Variants in ABL2 observed in about 807,000 individuals in gnomAD.
The protein encoded by ABL2 is tyrosine-protein kinase ABL2.
In ABL2, 49 loss-of-function variants were observed where a neutral mutation model predicts 107.7. The observed-to-expected ratio is 0.45, with a 90% CI of 0.36 to 0.58. ABL2 has a LOEUF of 0.58. Ranked by LOEUF, ABL2 falls within the 20% of genes least tolerant of loss-of-function variation. The pLI is 0.00. For missense variants in ABL2, 1,245 were observed against 1,457.0 expected (o/e 0.85, Z 2.37); for synonymous variants, 549 against 548.6 (o/e 1.00, Z -0.01).
intron 1 of ABL2, among the ~76,000 whole-genome samples, chr1:179,215,383 T>C (rs935959444): frequency 3.3e-5 from 5 of 152,178 alleles, no homozygotes; most frequent in East Asian, 1.9e-4. Flanking sequence ...CTAGTCTATA[T>C]GCTTCTGAAT....
At chr1:179,193,361 G>C (rs1239562256) in intron 1 of ABL2, among the ~76,000 whole-genome samples, 2 of 150,090 alleles carry the variant, frequency 1.3e-5, no homozygotes, top group Non-Finnish European at 3.0e-5. Flanking sequence ...CTAAATGTCT[G>C]CTTTTTTTTT....
chr1:179,115,592 T>C (rs910101159), intron 8 of ABL2, among the ~76,000 whole-genome samples: 20 of 152,070 alleles, frequency 1.3e-4, no homozygotes, highest in Non-Finnish European at 1.2e-4. Flanking sequence ...ACCCACCCCT[T>C]AGTCACTGAG....
At chr1:179,212,130 C>T (rs1037025226) in intron 1 of ABL2, among the ~76,000 whole-genome samples, 8 of 152,100 alleles carry the variant, frequency 5.3e-5, no homozygotes, top group African/African-American at 1.7e-4. Context: ...AGGGGAAAGC[C>T]CCTTATAAAA....
chr1:179,112,911 C>G (rs976293916), intron 9 of ABL2, among the ~76,000 whole-genome samples: 2 of 152,260 alleles, frequency 1.3e-5, no homozygotes, highest in Non-Finnish European at 2.9e-5. Context: ...CACGCCACCA[C>G]GTCCGGCTAA....
In ABL2 at chr1:179,102,731, G is replaced by C; in HGVS notation, c.*4987C>G. 4.3e-6 allele frequency: 1 copy of C among 230,140 alleles called. No homozygotes were observed. The highest frequency in any genetic ancestry group is 8.6e-6 in the Non-Finnish European group (1 of 116,220). 14.3% of individuals were successfully genotyped at this position (230,140 alleles called of 1,614,324 possible). On this transcript the variant is annotated 3_prime_UTR_variant, in exon 12 of 12. Coordinates refer to ENST00000502732, the MANE Select transcript of ABL2 (RefSeq NM_007314.4). ...ATGACATCAGTAGCAAAATGGAAGG[G>C]AGCAGAAGGGGTCATAATGAAATGT... is the stretch of plus-strand genomic sequence containing the variant.
At chr1:179,223,728 T>C (rs1663011940) in intron 1 of ABL2, among the ~76,000 whole-genome samples, 1 of 152,110 alleles carries the variant, frequency 6.6e-6, no homozygotes, top group African/African-American at 2.4e-5. Context: ...TTAGTTCTTA[T>C]ATTAAGTCAC....
intron 1 of ABL2, among the ~76,000 whole-genome samples, chr1:179,217,167 A>C (rs1426681216): frequency 6.6e-6 from 1 of 151,452 alleles, no homozygotes. Flanking sequence ...GGTGGCGTGC[A>C]CCTGTAATCC....
At chr1:179,122,239 T>C (rs1335713705) in intron 4 of ABL2, among the ~76,000 whole-genome samples, 1 of 149,296 alleles carries the variant, frequency 6.7e-6, no homozygotes, top group Non-Finnish European at 1.5e-5. Context: ...AAAGCCCATA[T>C]TTCACTGGCC....
Position 179,107,221 on chromosome 1 carries a change from G to A in ABL2, c.*497C>T. ...AGCAGCAATGGCCTTGTGGAAGCAA[G>A]GCTAACAGCTACTTCCAACAGCCCT... On this transcript the variant is annotated 3_prime_UTR_variant, in exon 12 of 12. Coordinates refer to ENST00000502732, the MANE Select transcript of ABL2 (RefSeq NM_007314.4). The A allele has an allele frequency of 4.3e-6, 1 of 235,174 alleles. No homozygotes were observed. Among genetic ancestry groups the A allele is most frequent in the East Asian group, 6.1e-5 (1 of 16,388 alleles). 14.6% of individuals were successfully genotyped at this position (235,174 alleles called of 1,614,324 possible).
At chr1:179,225,591 G>A (rs1663143983) in intron 1 of ABL2, among the ~76,000 whole-genome samples, 1 of 152,130 alleles carries the variant, frequency 6.6e-6, no homozygotes, top group Admixed American at 6.6e-5. Context: ...AACAATGTCT[G>A]GAGGCATTTT....
In ABL2 at chr1:179,104,600, G is replaced by C; in HGVS notation, c.*3118C>G. 1 of 208,172 alleles carries C rather than the reference G, an allele frequency of 4.8e-6. No homozygotes were observed. Among genetic ancestry groups the C allele is most frequent in the East Asian group, 7.4e-5 (1 of 13,558 alleles). 12.9% of individuals were successfully genotyped at this position (208,172 alleles called of 1,614,324 possible). A position where few individuals can be genotyped will look rare whatever the true frequency, so the allele number is the denominator to read the frequency against. On this transcript the variant is annotated 3_prime_UTR_variant, in exon 12 of 12. Coordinates refer to ENST00000502732, the MANE Select transcript of ABL2 (RefSeq NM_007314.4). ...AGGCTAATCTCTGAAAATCATGATGGAAGTCTACAGGAAAATATATACATT... is the reference window on the plus strand; with the variant it reads ...AGGCTAATCTCTGAAAATCATGATGCAAGTCTACAGGAAAATATATACATT...
intron 10 of ABL2, chr1:179,110,933 T>C: frequency 6.4e-7 from 1 of 1,568,464 alleles, no homozygotes; most frequent in Non-Finnish European, 8.8e-7. Context: ...GCATGAAAGC[T>C]GTGGTTACTC....
chr1:179,210,520 A>AAG lies in ABL2; in HGVS notation c.157+18720_157+18721insCT, dbSNP rs1420984161. On this transcript the variant is annotated intron_variant, in intron 1 of 11. Transcript: ENST00000502732. ...CTAACTCACAAAAAAAAAAAAAAAG[A>AAG]AAAAAAAAAGCTTTAAGAGAAAAAT... Among the ~76,000 whole-genome samples the AAG allele has an allele frequency of 1.5e-3, 219 of 146,506 alleles. 1 individual carries two copies. In the East Asian group the frequency reaches 0.029, roughly 19 times the overall value.
chr1:179,112,158 T>C (rs968327451), intron 10 of ABL2, 151 bp downstream of exon 10: 2 of 608,150 alleles, frequency 3.3e-6, no homozygotes, highest in Non-Finnish European at 5.8e-6. Flanking sequence ...TATTATAAAC[T>C]ATACTCTGAT....
chr1:179,186,358 A>G (rs1291716715), intron 1 of ABL2, among the ~76,000 whole-genome samples: 1 of 152,076 alleles, frequency 6.6e-6, no homozygotes, highest in African/African-American at 2.4e-5. Flanking sequence ...TGGGTTTATC[A>G]GCCATTTCAA....
chr1:179,212,658 G>A (rs959897944), intron 1 of ABL2, among the ~76,000 whole-genome samples: 18 of 151,882 alleles, frequency 1.2e-4, no homozygotes, highest in African/African-American at 1.5e-4. Flanking sequence ...GCTTGAACTC[G>A]GGAGGCGGAG....
rs1653718392 is a variant in ABL2, at chr1:179,108,683, G to A, written c.2584C>T (p.Leu862Phe). Residue 862 changes from leucine (L) to phenylalanine (F), a missense_variant, in exon 12 of 12, where the codon CTC (leucine) becomes TTC (phenylalanine). Coordinates refer to ENST00000502732, the MANE Select transcript of ABL2 (RefSeq NM_007314.4). Reference protein sequence around the residue: ...LLPRGATALPLRTPSGDLAIT... With the variant: ...LLPRGATALPFRTPSGDLAIT... ...GCTAGATCCCCAGAGGGTGTTCTGA[G>A]AGGAAGAGCTGTGGCTCCTCTGGGC... is the stretch of plus-strand genomic sequence containing the variant. 2 of 1,614,076 alleles carry A rather than the reference G, an allele frequency of 1.2e-6. No homozygotes were observed. Among genetic ancestry groups the A allele is most frequent in the African/African-American group, 1.3e-5 (1 of 74,946 alleles).
At chr1:179,131,624 C>T (rs1291288091) in intron 2 of ABL2, 143 bp from the exon 3 acceptor site, 11 of 705,380 alleles carry the variant, frequency 1.6e-5, no homozygotes, top group Non-Finnish European at 2.3e-5. Flanking sequence ...GAAGAATTAG[C>T]AAATAGGCAC....
rs531541242 is a variant in ABL2 at position 179,163,556 on chromosome 1, G to C, written c.158-30182C>G. Among the ~76,000 whole-genome samples, 4 of 152,254 alleles carry C rather than the reference G, an allele frequency of 2.6e-5. No homozygotes were observed. In the East Asian group the frequency reaches 5.8e-4, roughly 22 times the overall value. ...GCGGTCAGGAGTTCGAGAACAGCCT[G>C]GCTAACATGGTGAAACCCTGTCTCT... On this transcript the variant is annotated intron_variant, in intron 1 of 11. Coordinates refer to ENST00000502732, the MANE Select transcript of ABL2 (RefSeq NM_007314.4).
Sources: gnomAD v4.1 joint callset for allele counts (sites outside exome capture counted in the v4.1 genomes callset) on GRCh38, gnomAD v4.1.1 for gene constraint, MANE v1.5 for transcripts, NCBI Gene and HGNC (gene_info 2026-07-23, HGNC 2026-07-21) for gene names.